SORL1: variants seen among roughly 807,000 people sequenced by gnomAD.
SORL1 encodes the protein sortilin-related receptor.
Under a neutral mutation model 273.7 loss-of-function variants are expected in SORL1, and 127 were observed. That is an observed-to-expected ratio of 0.46 (90% confidence interval 0.40 to 0.54). The LOEUF is 0.54. Ranked by LOEUF, SORL1 falls within the 20% of genes least tolerant of loss-of-function variation. The pLI is 0.00. For missense variants in SORL1, 2,494 were observed against 2,846.1 expected, an observed-to-expected ratio of 0.88 and a Z score of 2.81; for synonymous variants, 1,031 against 1,067.4, an observed-to-expected ratio of 0.97 and a Z score of 0.66.
chr11:121,585,451 C>A (rs1230742353), intron 26 of SORL1, among the ~76,000 whole-genome samples: 1 of 150,882 alleles, frequency 6.6e-6, no homozygotes. Context: ...CCGCTGCACT[C>A]CAGGTTGGGT....
At chr11:121,589,411 CCTCA>C (rs756443709) in intron 29 of SORL1, 21 bp downstream of exon 29, 1 of 1,611,704 alleles carries the variant, frequency 6.2e-7, no homozygotes, top group Non-Finnish European at 8.5e-7. Flanking sequence ...CAGTCTGCCT[CCTCA>C]CATCCTAATC....
At chr11:121,519,402 T>TTC (rs954987500) in intron 8 of SORL1, among the ~76,000 whole-genome samples, 1 of 151,780 alleles carries the variant, frequency 6.6e-6, no homozygotes, top group Non-Finnish European at 1.5e-5. Flanking sequence ...GAAACCCATA[T>TTC]TCTCTCTCTC....
intron 1 of SORL1, among the ~76,000 whole-genome samples, chr11:121,463,901 A>G (rs593684): frequency 0.99 from 150,910 of 152,322 alleles, 74,778 homozygotes; most frequent in Middle Eastern, 1. Flanking sequence ...CTAGCATTTA[A>G]GCCATGCAAA....
At chr11:121,592,982 C>T (rs1166452192) in intron 31 of SORL1, among the ~76,000 whole-genome samples, 4 of 152,166 alleles carry the variant, frequency 2.6e-5, no homozygotes, top group African/African-American at 9.7e-5. Flanking sequence ...CAAATTTAAA[C>T]TCATTGTTAT....
At chr11:121,470,278 C>T (rs1041826702) in intron 2 of SORL1, among the ~76,000 whole-genome samples, 155 bp downstream of exon 2, 4 of 152,096 alleles carry the variant, frequency 2.6e-5, no homozygotes, top group African/African-American at 4.8e-5. Context: ...ATGATATATC[C>T]CTTGTTTGCT....
chr11:121,475,247 A>G (rs1429941104), intron 2 of SORL1, among the ~76,000 whole-genome samples: 1 of 152,186 alleles, frequency 6.6e-6, no homozygotes, highest in Non-Finnish European at 1.5e-5. Context: ...AGCCTGAGTC[A>G]TAGAGCAAGA....
intron 24 of SORL1, chr11:121,577,033 CAA>C (rs1757011802): frequency 7.7e-7 from 1 of 1,292,184 alleles, no homozygotes; most frequent in Non-Finnish European, 1.1e-6. Context: ...ATGCTGTTGT[CAA>C]GAGGCAAGCA....
intron 1 of SORL1, among the ~76,000 whole-genome samples, chr11:121,463,145 C>T (rs1359306085): frequency 6.6e-6 from 1 of 152,276 alleles, no homozygotes; most frequent in East Asian, 1.9e-4. Flanking sequence ...TGTTTTCAGG[C>T]AGTGAGAACC....
At position 121,595,733 on chromosome 11, in the gene SORL1, C is replaced by T. The variant is rs767703115; in HGVS notation, c.4480C>T (p.His1494Tyr). ...TCCCAACTGGAAGCGCTGTGACGGC[C>T]ACCAAGATTGCCAGGATGGCCGGGA... ...CIPNWKRCDGHQDCQDGRDEA... is the reference protein window; with the variant it reads ...CIPNWKRCDGYQDCQDGRDEA... The change falls in exon 32 of 48, where the codon CAC becomes TAC. Residue 1494 changes from histidine (H) to tyrosine (Y), a missense_variant. His to Tyr is a moderately conservative substitution (Grantham distance 83, BLOSUM62 2). This residue lies in a region of SORL1 where 1,609 missense variants were observed against 1,816.4 expected (regional missense o/e 0.89). Coordinates refer to ENST00000260197, the MANE Select transcript of SORL1 (RefSeq NM_003105.6). The surrounding 1 kb of genome is among the most constrained non-coding windows in gnomAD (Gnocchi z 5.1). 10 of 1,613,988 alleles carry T rather than the reference C, an allele frequency of 6.2e-6. No individual in the cohort carries two copies. In the Middle Eastern group the frequency reaches 4.9e-4, roughly 80 times the overall value.
At chr11:121,474,129 T>A (rs577185387) in intron 2 of SORL1, among the ~76,000 whole-genome samples, 1 of 152,304 alleles carries the variant, frequency 6.6e-6, no homozygotes, top group Non-Finnish European at 1.5e-5. Context: ...CAATCTGACC[T>A]TGGGCCAGGT....
chr11:121,491,148 C>T (rs538881813), intron 5 of SORL1, among the ~76,000 whole-genome samples: 1 of 152,196 alleles, frequency 6.6e-6, no homozygotes, highest in East Asian at 1.9e-4. Flanking sequence ...AACATGAACT[C>T]TTAATTTTGG....
At chr11:121,610,339 CT>C (rs1279148429) in intron 38 of SORL1, 4 of 152,200 alleles carry the variant, frequency 2.6e-5, no homozygotes, top group African/African-American at 7.2e-5. Context: ...TGAGAGGGGT[CT>C]TTTCCTTGGC....
At chr11:121,529,835 C>G (rs1052091051) in intron 11 of SORL1, among the ~76,000 whole-genome samples, 4 of 152,032 alleles carry the variant, frequency 2.6e-5, no homozygotes, top group Non-Finnish European at 4.4e-5. Flanking sequence ...GAATTTAGGC[C>G]TAATATTTCA....
Position 121,559,501 on chromosome 11 carries a change from C to G in SORL1, c.2911-18C>G. 1 of 1,610,306 alleles carries G rather than the reference C, an allele frequency of 6.2e-7. No homozygotes were observed. The highest frequency in any genetic ancestry group is 8.5e-7 in the Non-Finnish European group (1 of 1,178,588). On this transcript the variant is annotated intron_variant, in intron 20 of 47. Coordinates refer to ENST00000260197, the MANE Select transcript of SORL1 (RefSeq NM_003105.6). ...AGAACGAAAGAGCTGGACTAATGGG[C>G]AAAGGTTTTCTTTTTAGAATGAAAT...
intron 5 of SORL1, among the ~76,000 whole-genome samples, chr11:121,492,360 CAATA>C (rs954014551): frequency 6.6e-5 from 10 of 151,820 alleles, no homozygotes; most frequent in African/African-American, 1.7e-4. Context: ...GACACTGTCT[CAATA>C]AATAAATAAA....
intron 1 of SORL1, among the ~76,000 whole-genome samples, chr11:121,465,391 C>T (rs1053835780): frequency 3.9e-5 from 6 of 152,164 alleles, no homozygotes; most frequent in African/African-American, 1.4e-4. Flanking sequence ...TCCCCAAAGA[C>T]AAGCCCCCCC....
chr11:121,543,809 G>C, intron 13 of SORL1, 83 bp downstream of exon 13: 1 of 1,272,576 alleles, frequency 7.9e-7, no homozygotes, highest in Non-Finnish European at 1.1e-6. Flanking sequence ...TAGATACTGT[G>C]TACTCAGAAG....
chr11:121,497,478 A>G (rs1028621215), intron 6 of SORL1, among the ~76,000 whole-genome samples: 3 of 152,196 alleles, frequency 2.0e-5, no homozygotes, highest in Non-Finnish European at 2.9e-5. Flanking sequence ...GTCAATTTAC[A>G]TGGCTAATAG....
chr11:121,510,431 G>C (rs1031638669), intron 6 of SORL1, among the ~76,000 whole-genome samples: 1 of 152,142 alleles, frequency 6.6e-6, no homozygotes, highest in Non-Finnish European at 1.5e-5. Flanking sequence ...TTAATGTTCT[G>C]CCATCCTGAC....
Sources: gnomAD v4.1 joint callset for allele counts (sites outside exome capture counted in the v4.1 genomes callset) on GRCh38, gnomAD v4.1.1 for gene constraint, gnomAD v4.1.1 regional missense constraint, Gnocchi (gnomAD v3.1) non-coding constraint, MANE v1.5 for transcripts, NCBI Gene and HGNC (gene_info 2026-07-23, HGNC 2026-07-21) for gene names.